Variants in MGLL observed in about 807,000 individuals in gnomAD.
MGLL encodes the protein monoglyceride lipase, also known as lysophospholipase homolog.
MGLL carries 7 observed loss-of-function variants against 29.1 expected under a neutral mutation model. The observed-to-expected ratio is 0.24, with a 90% CI of 0.14 to 0.45. MGLL has a LOEUF of 0.45. MGLL is among the 20% of genes least tolerant of loss of function. The pLI, the probability that MGLL is intolerant of heterozygous loss-of-function variation, is 0.99. For missense variants in MGLL, 356 were observed against 413.6 expected (o/e 0.86, Z 1.21); for synonymous variants, 148 against 168.3 (o/e 0.88, Z 0.93).
chr3:127,821,861 C>G (rs763344354), intron 1 of MGLL, 23 bp from the exon 2 acceptor site: 1 of 1,609,752 alleles, frequency 6.2e-7, no homozygotes, highest in Non-Finnish European at 8.5e-7. Context: ...GTGACATATT[C>G]CAAAGTCAGA....
At chr3:127,753,925 G>A (rs1489866756) in intron 3 of MGLL, among the ~76,000 whole-genome samples, 5 of 152,192 alleles carry the variant, frequency 3.3e-5, no homozygotes, top group Non-Finnish European at 7.3e-5. Context: ...CTTGGCATGG[G>A]AGGCACCAGG....
At chr3:127,796,582 G>T (rs956360027) in intron 2 of MGLL, among the ~76,000 whole-genome samples, 3 of 152,170 alleles carry the variant, frequency 2.0e-5, no homozygotes, top group African/African-American at 7.2e-5. Context: ...TTTCATTTGA[G>T]ACCAGTCCAT....
chr3:127,759,245 C>T (rs1044946779), intron 3 of MGLL, among the ~76,000 whole-genome samples: 1 of 152,112 alleles, frequency 6.6e-6, no homozygotes, highest in Admixed American at 6.5e-5. Flanking sequence ...TTTCTCACAG[C>T]GTCCATTATT....
intron 3 of MGLL, among the ~76,000 whole-genome samples, chr3:127,762,651 G>T (rs72626374): frequency 0.15 from 23,415 of 152,124 alleles, 1,933 homozygotes; most frequent in East Asian, 0.27. Flanking sequence ...GAGAAAGGGA[G>T]GGGCAGAGGC....
At chr3:127,754,984 G>A (rs11915484) in intron 3 of MGLL, among the ~76,000 whole-genome samples, 29,071 of 152,012 alleles carry the variant, frequency 0.19, 3,150 homozygotes, top group East Asian at 0.4. Context: ...TGGGAGGAAC[G>A]CGGGTTTCCA....
intron 3 of MGLL, among the ~76,000 whole-genome samples, chr3:127,760,811 C>T (rs2076750614): frequency 6.6e-6 from 1 of 152,206 alleles, no homozygotes; most frequent in Non-Finnish European, 1.5e-5. Context: ...CGACTTTGCC[C>T]CCTAATGACT....
intron 5 of MGLL, 49 bp downstream of exon 5, chr3:127,721,004 A>T: frequency 6.7e-7 from 1 of 1,500,726 alleles, no homozygotes; most frequent in Non-Finnish European, 9.3e-7. Context: ...TGGAAGACCC[A>T]TGTCCCGGGG....
chr3:127,791,547 AGT>A (rs2077300940), intron 2 of MGLL, among the ~76,000 whole-genome samples: 1 of 152,254 alleles, frequency 6.6e-6, no homozygotes, highest in Admixed American at 6.5e-5. Flanking sequence ...TATTGAGCTA[AGT>A]GCTTTACATA....
intron 3 of MGLL, among the ~76,000 whole-genome samples, chr3:127,779,673 G>A (rs2077091098): frequency 6.6e-6 from 1 of 152,094 alleles, no homozygotes; most frequent in East Asian, 1.9e-4. Context: ...ATTGAGCAAC[G>A]AGATCCAAGC....
Position 127,822,377 on chromosome 3 carries a change from A to C in MGLL, c.-59T>G. ...AGCCTGGAGAATCAGAACCAGGCAA[A>C]TCGGGCTGTTCCCTCATCTGGGCGG... On this transcript the variant is annotated 5_prime_UTR_variant, in exon 1 of 8. Transcript: ENST00000265052. 1 of 1,598,256 alleles carries C rather than the reference A, an allele frequency of 6.3e-7. No individual in the cohort carries two copies. The highest frequency in any genetic ancestry group is 8.6e-7 in the Non-Finnish European group (1 of 1,165,782).
chr3:127,708,672 C>T (rs1296166720), intron 6 of MGLL, among the ~76,000 whole-genome samples: 2 of 152,184 alleles, frequency 1.3e-5, no homozygotes, highest in East Asian at 3.8e-4. Flanking sequence ...CCCCTCCCTC[C>T]CTGACCCATC....
chr3:127,692,188 G>T lies in MGLL; in HGVS notation c.*10C>A. The T allele has an allele frequency of 6.2e-7, 1 of 1,605,070 alleles. No individual in the cohort carries two copies. The highest frequency in any genetic ancestry group is 8.5e-7 in the Non-Finnish European group (1 of 1,176,578). On this transcript the variant is annotated 3_prime_UTR_variant, in exon 8 of 8. Coordinates refer to ENST00000265052, the MANE Select transcript of MGLL (RefSeq NM_007283.7). ...CCCCCAGACCATGAGCCGGGCACCG[G>T]CCAATGCATTCAGGGTGGGGACGCA... is the stretch of plus-strand genomic sequence containing the variant.
chr3:127,698,730 T>TG (rs1310820539), intron 6 of MGLL, among the ~76,000 whole-genome samples: 1 of 152,194 alleles, frequency 6.6e-6, no homozygotes, highest in African/African-American at 2.4e-5. Context: ...ATGTCACTGC[T>TG]GGGGGAAACT....
intron 2 of MGLL, among the ~76,000 whole-genome samples, chr3:127,794,693 T>C (rs1447476968): frequency 2.0e-5 from 3 of 152,222 alleles, no homozygotes; most frequent in Admixed American, 6.6e-5. Flanking sequence ...TGTGGAACTT[T>C]CTTCTATGAT....
chr3:127,706,523 A>T (rs796476466), intron 6 of MGLL, among the ~76,000 whole-genome samples: 1 of 152,216 alleles, frequency 6.6e-6, no homozygotes, highest in Non-Finnish European at 1.5e-5. Context: ...GAGCTGGAAC[A>T]TCTACAGAGG....
intron 6 of MGLL, among the ~76,000 whole-genome samples, chr3:127,706,599 G>A (rs1442831702): frequency 6.6e-6 from 1 of 152,216 alleles, no homozygotes; most frequent in Non-Finnish European, 1.5e-5. Flanking sequence ...CCCACATGGA[G>A]CCATATGCCC....
At chr3:127,706,088 GTACA>G (rs1293273300) in intron 6 of MGLL, among the ~76,000 whole-genome samples, 1 of 152,140 alleles carries the variant, frequency 6.6e-6, no homozygotes, top group African/African-American at 2.4e-5. Flanking sequence ...CCACTTCTGG[GTACA>G]TACATACCCA....
In MGLL at chr3:127,781,878, G is replaced by A. The variant is rs1334597742; in HGVS notation, c.173C>T (p.Ser58Phe). ...TGTPKALIFV[S>F]HGAGEHSGRY... Reference sequence around the variant, plus strand: ...GCCACTGTGCTCTCCGGCTCCATGGGACACAAAGATGAGGGCCCTGCAGAG... The same window carrying A: ...GCCACTGTGCTCTCCGGCTCCATGGAACACAAAGATGAGGGCCCTGCAGAG... The change falls in exon 3 of 8, where the codon TCC becomes TTC. Residue 58 changes from serine (S) to phenylalanine (F), a missense_variant. By Grantham distance (155) the Ser-to-Phe change is radical. Coordinates refer to ENST00000265052, the MANE Select transcript of MGLL (RefSeq NM_007283.7). The A allele has an allele frequency of 1.2e-6, 2 of 1,614,072 alleles. No homozygotes were observed. The highest frequency in any genetic ancestry group is 3.3e-5 in the Admixed American group (2 of 60,016).
chr3:127,782,114 C>T (rs538403295), intron 2 of MGLL, among the ~76,000 whole-genome samples: 4 of 152,200 alleles, frequency 2.6e-5, no homozygotes, highest in South Asian at 2.1e-4. Flanking sequence ...CCCAGCTACT[C>T]GGCAGGCTGA....
Sources: allele counts gnomAD v4.1 joint callset (sites outside exome capture counted in the v4.1 genomes callset), GRCh38; gene constraint gnomAD v4.1.1; transcripts MANE v1.5; gene names NCBI Gene and HGNC (gene_info 2026-07-23, HGNC 2026-07-21).